The following RSBN1L variants were observed in gnomAD, a reference collection of about 807,000 sequenced individuals.
RSBN1L encodes lysine-specific demethylase RSBN1L.
RSBN1L carries 30 observed loss-of-function variants against 67.7 expected under a neutral mutation model. That is an observed-to-expected ratio of 0.44 (90% confidence interval 0.33 to 0.60). RSBN1L has a LOEUF of 0.60. Among genes scored for constraint, RSBN1L ranks in the 20% least tolerant of loss-of-function variants. The pLI, the probability that RSBN1L is intolerant of heterozygous loss-of-function variation, is 0.02. For synonymous variants in RSBN1L, 433 were observed against 387.0 expected (o/e 1.12, Z -1.39); for missense variants, 992 against 1,031.7 (o/e 0.96, Z 0.53).
chr7:77,762,303 A>C (rs1791705936), intron 3 of RSBN1L, among the ~76,000 whole-genome samples: 2 of 152,192 alleles, frequency 1.3e-5, no homozygotes, highest in Admixed American at 1.3e-4. Flanking sequence ...TAATAGGACC[A>C]TACTTAAAAA....
chr7:77,761,819 T>C (rs1033723378), intron 3 of RSBN1L, among the ~76,000 whole-genome samples: 11 of 152,226 alleles, frequency 7.2e-5, no homozygotes, highest in African/African-American at 2.7e-4. Context: ...ACAATATATT[T>C]TAAAATTTAA....
rs768518221 is a variant in RSBN1L at position 77,696,498 on chromosome 7, G to C, written c.29G>C (p.Cys10Ser). The C allele has an allele frequency of 3.1e-6, 5 of 1,613,330 alleles. No homozygotes were observed. The East Asian group carries it at 6.7e-5, about 22-fold the overall frequency. Residue 10 changes from cysteine to serine, a missense_variant, in exon 1 of 8, where the codon TGT becomes TCT. Cys to Ser is a moderately radical substitution (Grantham distance 112). This residue lies in a region of RSBN1L where 575 missense variants were observed against 483.2 expected (regional missense o/e 1.19). Transcript: ENST00000334955. MAEPPSPVH[C>S]VAAAAPTATV... ...GCGGAACCGCCGAGCCCCGTGCACT[G>C]TGTCGCTGCCGCGGCCCCCACCGCC...
At chr7:77,708,662 G>T (rs539679704) in intron 1 of RSBN1L, among the ~76,000 whole-genome samples, 2 of 151,844 alleles carry the variant, frequency 1.3e-5, no homozygotes, top group Admixed American at 6.6e-5. Flanking sequence ...GATTACAGGC[G>T]TGAGCCACCG....
intron 1 of RSBN1L, among the ~76,000 whole-genome samples, chr7:77,698,785 A>G (rs1171060023): frequency 2.0e-5 from 3 of 152,172 alleles, no homozygotes; most frequent in Admixed American, 6.5e-5. Context: ...GTGACAAGAT[A>G]TTAACACTAC....
At chr7:77,770,926 T>G (rs558159450) in intron 5 of RSBN1L, among the ~76,000 whole-genome samples, 33 of 152,176 alleles carry the variant, frequency 2.2e-4, no homozygotes, top group Middle Eastern at 6.8e-3. Flanking sequence ...TAGGAGAGAT[T>G]ATAGCCTTTT....
intron 2 of RSBN1L, among the ~76,000 whole-genome samples, chr7:77,743,606 G>T (rs921147205): frequency 1.7e-4 from 26 of 151,816 alleles, no homozygotes; most frequent in African/African-American, 6.3e-4. Flanking sequence ...AAACTAATGT[G>T]TTCTCCTGGT....
intron 2 of RSBN1L, among the ~76,000 whole-genome samples, chr7:77,742,015 G>A (rs992262939): frequency 1.3e-5 from 2 of 151,846 alleles, no homozygotes; most frequent in African/African-American, 4.8e-5. Context: ...GCATATGGTT[G>A]TACTTATGGC....
chr7:77,697,082 G>T, intron 1 of RSBN1L, 27 bp downstream of exon 1: 1 of 1,365,838 alleles, frequency 7.3e-7, no homozygotes, highest in Non-Finnish European at 9.4e-7. Context: ...GAGGGGGAGG[G>T]GAGGGCGCCG....
At chr7:77,772,169 CA>C (rs531242767) in intron 5 of RSBN1L, among the ~76,000 whole-genome samples, 5 of 150,474 alleles carry the variant, frequency 3.3e-5, no homozygotes, top group Admixed American at 6.6e-5. Flanking sequence ...CACAAAGAAC[CA>C]AAAAAAAATT....
intron 3 of RSBN1L, among the ~76,000 whole-genome samples, chr7:77,751,340 A>C (rs868844177): frequency 6.6e-6 from 1 of 152,106 alleles, no homozygotes. Context: ...GGGTTTCGCT[A>C]TGTTGGCCAG....
Position 77,749,682 on chromosome 7 carries a change from G to T in RSBN1L, c.962G>T (p.Ser321Ile), listed in dbSNP as rs1791528684. 2 of 1,614,044 alleles carry T rather than the reference G, an allele frequency of 1.2e-6. No individual in the cohort carries two copies. The highest frequency in any genetic ancestry group is 1.7e-6 in the Non-Finnish European group (2 of 1,180,034). ...KNYDSKIPEN[S>I]EFPFVSLKEP... ...TATGATTCCAAAATTCCAGAGAACA[G>T]TGAGTTTCCATTTGTCTCATTAAAG... Residue 321 changes from serine (S) to isoleucine (I), a missense_variant, in exon 3 of 8, where the codon AGT becomes ATT. Ser to Ile is a moderately radical substitution (Grantham distance 142). Transcript: ENST00000334955.
In RSBN1L at chr7:77,749,986, T is replaced by C; in HGVS notation, c.1266T>C (p.Phe422=). 1.2e-6 allele frequency: 2 copies of C among 1,613,712 alleles called. No homozygotes were observed. Among genetic ancestry groups the C allele is most frequent in the Non-Finnish European group, 1.7e-6 (2 of 1,179,706 alleles). Reference sequence around the variant, plus strand: ...TTTTAGACTATTTTTCATTTAATTTTCCCAATTCACCAGTGAAAATGGAGA... The same window carrying C: ...TTTTAGACTATTTTTCATTTAATTTCCCCAATTCACCAGTGAAAATGGAGA... ...PDFLDYFSFN[F]PNSPVKMEIL... is the part of the protein sequence containing the mutation. Residue 422 remains phenylalanine (F), a synonymous_variant, in exon 3 of 8, where the codon TTT becomes TTC. Transcript: ENST00000334955.
At chr7:77,738,484 G>T (rs1045782267) in intron 2 of RSBN1L, among the ~76,000 whole-genome samples, 6 of 152,284 alleles carry the variant, frequency 3.9e-5, no homozygotes, top group African/African-American at 1.2e-4. Context: ...CACAGTGGAG[G>T]TAAGTAATAA....
intron 1 of RSBN1L, among the ~76,000 whole-genome samples, chr7:77,705,832 G>C (rs1467976921): frequency 6.6e-6 from 1 of 151,946 alleles, no homozygotes; most frequent in Non-Finnish European, 1.5e-5. Flanking sequence ...TTTGCATTTA[G>C]CTTGTAATCT....
At chr7:77,722,791 T>G (rs1280069734) in intron 1 of RSBN1L, among the ~76,000 whole-genome samples, 3 of 151,908 alleles carry the variant, frequency 2.0e-5, no homozygotes, top group Admixed American at 6.6e-5. Flanking sequence ...ATGTCATTGT[T>G]GTCGTTCAGT....
At chr7:77,734,117 C>A (rs1791302908) in intron 1 of RSBN1L, among the ~76,000 whole-genome samples, 1 of 151,992 alleles carries the variant, frequency 6.6e-6, no homozygotes, top group African/African-American at 2.4e-5. Flanking sequence ...CAGAGCAAGA[C>A]TTTGTCTCAA....
Position 77,778,735 on chromosome 7 carries a change from C to T in RSBN1L, c.2108C>T (p.Thr703Ile). 2 of 1,614,116 alleles carry T rather than the reference C, an allele frequency of 1.2e-6. No homozygotes were observed. Among genetic ancestry groups the T allele is most frequent in the Non-Finnish European group, 1.7e-6 (2 of 1,179,992 alleles). ...YHSEEDTSQN[T>I]ATHETGTSSD... ...TCAGAGGAGGACACTTCTCAGAATACAGCTACTCATGAAACAGGCACATCA... is the reference window on the plus strand; with the variant it reads ...TCAGAGGAGGACACTTCTCAGAATATAGCTACTCATGAAACAGGCACATCA... The change falls in exon 8 of 8, where the codon ACA (threonine) becomes ATA (isoleucine). Residue 703 changes from threonine (T) to isoleucine (I), a missense_variant. Coordinates refer to ENST00000334955, the MANE Select transcript of RSBN1L (RefSeq NM_198467.3).
At chr7:77,764,052 T>C (rs74693221) in intron 3 of RSBN1L, among the ~76,000 whole-genome samples, 1,908 of 152,358 alleles carry the variant, frequency 0.013, 39 homozygotes, top group African/African-American at 0.043. Context: ...GTGATACTCT[T>C]ACCAGCTATG....
At chr7:77,759,523 CAG>C (rs965279946) in intron 3 of RSBN1L, 53 of 152,184 alleles carry the variant, frequency 3.5e-4, no homozygotes, top group African/African-American at 1.1e-3. Context: ...TAGATTGCCT[CAG>C]AATGTCCTGA....
Sources: gnomAD v4.1 joint callset for allele counts (sites outside exome capture counted in the v4.1 genomes callset) on GRCh38, gnomAD v4.1.1 for gene constraint, gnomAD v4.1.1 regional missense constraint, MANE v1.5 for transcripts, NCBI Gene and HGNC (gene_info 2026-07-23, HGNC 2026-07-21) for gene names.